JRK: variants seen among roughly 807,000 people sequenced by gnomAD.
The protein encoded by JRK is Jrk helix-turn-helix protein, also known as jerky protein homolog.
For synonymous variants in JRK, 303 were observed against 218.1 expected (o/e 1.39, Z -3.43); for missense variants, 720 against 509.2 (o/e 1.41, Z -3.98).
the JRK span, among the ~76,000 whole-genome samples, chr8:142,646,159 T>C: frequency 1.3e-5 from 2 of 152,242 alleles, no homozygotes; most frequent in East Asian, 1.9e-4. Context: ...AAATTATTTA[T>C]GAAAACTACA....
At position 142,660,300 on chromosome 8, in the gene JRK, C is replaced by CA. The variant is rs1846875352; in HGVS notation, c.*4051dup. On this transcript the variant is annotated 3_prime_UTR_variant, in exon 2 of 2. Transcript: ENST00000612905. ...GCCTCCCAGGCCACCACCCACCCCTCACGGCTGCCACACCCACCAGCCCAT... is the reference window on the plus strand; with the variant it reads ...GCCTCCCAGGCCACCACCCACCCCTCAACGGCTGCCACACCCACCAGCCCAT... The CA allele has an allele frequency of 1.0e-6, 1 of 985,760 alleles. No individual in the cohort carries two copies. Among genetic ancestry groups the CA allele is most frequent in the Admixed American group, 6.1e-5 (1 of 16,294 alleles). The allele number at this position is 985,760 out of a possible 1,614,324, so 61.1% of individuals were successfully genotyped here.
chr8:142,658,167 G>A lies in JRK; in HGVS notation c.*6185C>T, dbSNP rs941642024. 2.0e-4 allele frequency: 31 copies of A among 152,460 alleles called. No homozygotes were observed. Among genetic ancestry groups the A allele is most frequent in the African/African-American group, 7.5e-4 (31 of 41,598 alleles). The allele number at this position is 152,460 out of a possible 1,614,324, so 9.4% of individuals were successfully genotyped here. ...CACTGAGGAGTTAGGGGCAATGGCA[G>A]AACTGCCTGGACCTGAAGCAGGCTG... On this transcript the variant is annotated 3_prime_UTR_variant, in exon 2 of 2. Coordinates refer to ENST00000612905, the MANE Select transcript of JRK (RefSeq NM_003724.4).
chr8:142,668,233 G>A (rs1554636572), intron 1 of JRK, among the ~76,000 whole-genome samples: 2 of 152,230 alleles, frequency 1.3e-5, no homozygotes, highest in Non-Finnish European at 2.9e-5. Flanking sequence ...GCGCAGAAAC[G>A]CAGCCCTTTG....
At chr8:142,647,322 G>A in the JRK span, among the ~76,000 whole-genome samples, 2 of 152,044 alleles carry the variant, frequency 1.3e-5, no homozygotes, top group South Asian at 2.1e-4. Flanking sequence ...GGGAGGCAGC[G>A]GAAGTTGTAC....
At position 142,665,834 on chromosome 8, in the gene JRK, C is replaced by T. The variant is rs587597150; in HGVS notation, c.225G>A (p.Leu75=). 2.6e-6 allele frequency: 2 copies of T among 779,310 alleles called. No individual in the cohort carries two copies. The highest frequency in any genetic ancestry group is 1.7e-5 in the Admixed American group (1 of 58,880). 48.3% of individuals were successfully genotyped at this position (779,310 alleles called of 1,614,324 possible). A position where few individuals can be genotyped will look rare whatever the true frequency, so the allele number is the denominator to read the frequency against. Residue 75 remains leucine, a synonymous_variant, in exon 2 of 2, where the codon CTG becomes CTA. Coordinates refer to ENST00000612905, the MANE Select transcript of JRK (RefSeq NM_003724.4). ...GCGTGTGCAGCGTGCGCCGCTGCTC[C>T]AGCGCCTTGTTGGAGTCGGAGCTGG... is the stretch of plus-strand genomic sequence containing the variant. The part of the protein sequence containing the change: ...FFASSDSNKA[L]EQRRTLHTPK...
At chr8:142,651,608 T>C in the JRK span, among the ~76,000 whole-genome samples, 3 of 151,712 alleles carry the variant, frequency 2.0e-5, no homozygotes, top group Non-Finnish European at 4.4e-5. Flanking sequence ...AATTTGAAAC[T>C]TTCCTTCAGA....
At chr8:142,668,669 G>GC (rs1485287487) in intron 1 of JRK, among the ~76,000 whole-genome samples, 1 of 151,646 alleles carries the variant, frequency 6.6e-6, no homozygotes, top group African/African-American at 2.4e-5. Context: ...ACGTCTCCAT[G>GC]CCTGACATGC....
rs1199672222 is a variant in JRK, at chr8:142,661,878, G to A, written c.*2474C>T. The A allele has an allele frequency of 1.0e-6, 1 of 985,562 alleles. No homozygotes were observed. Among genetic ancestry groups the A allele is most frequent in the Non-Finnish European group, 1.2e-6 (1 of 830,014 alleles). 61.1% of individuals were successfully genotyped at this position (985,562 alleles called of 1,614,324 possible). A position where few individuals can be genotyped will look rare whatever the true frequency, so the allele number is the denominator to read the frequency against. On this transcript the variant is annotated 3_prime_UTR_variant, in exon 2 of 2. Coordinates refer to ENST00000612905, the MANE Select transcript of JRK (RefSeq NM_003724.4). ...AACAAAGTGCTCGGAGGACACGGCA[G>A]TCTCCATAAAGCGTTCTGGGGGACA...
Position 142,663,769 on chromosome 8 carries a change from T to G in JRK, c.*583A>C, listed in dbSNP as rs1183054240. 6.1e-6 allele frequency: 6 copies of G among 985,478 alleles called. No homozygotes were observed. Among genetic ancestry groups the G allele is most frequent in the Non-Finnish European group, 7.2e-6 (6 of 830,078 alleles). 61.0% of individuals were successfully genotyped at this position (985,478 alleles called of 1,614,324 possible). A position where few individuals can be genotyped will look rare whatever the true frequency, so the allele number is the denominator to read the frequency against. Reference sequence around the variant, plus strand: ...TCATTCTGCTGAATGAGGCCACAACTGAAGTGAGATGTGCGGCCTGTTCAG... The same window carrying G: ...TCATTCTGCTGAATGAGGCCACAACGGAAGTGAGATGTGCGGCCTGTTCAG... On this transcript the variant is annotated 3_prime_UTR_variant, in exon 2 of 2. Coordinates refer to ENST00000612905, the MANE Select transcript of JRK (RefSeq NM_003724.4).
At position 142,665,069 on chromosome 8, in the gene JRK, G is replaced by A; in HGVS notation, c.990C>T (p.Pro330=). The change falls in exon 2 of 2, where the codon CCC becomes CCT. Residue 330 remains proline (P), a synonymous_variant. Coordinates refer to ENST00000612905, the MANE Select transcript of JRK (RefSeq NM_003724.4). The part of the protein sequence containing the change: ...LPASVASLVQ[P]MEQGIRRDFM... ...AATCTCTCCGAATGCCCTGCTCCATGGGCTGCACCAATGAGGCCACGCTGG... is the reference window on the plus strand; with the variant it reads ...AATCTCTCCGAATGCCCTGCTCCATAGGCTGCACCAATGAGGCCACGCTGG... The A allele has an allele frequency of 1.4e-6, 1 of 717,742 alleles. No homozygotes were observed. Among genetic ancestry groups the A allele is most frequent in the Non-Finnish European group, 2.6e-6 (1 of 385,048 alleles). 44.5% of individuals were successfully genotyped at this position (717,742 alleles called of 1,614,324 possible).
In JRK at chr8:142,659,048, G is replaced by T; in HGVS notation, c.*5304C>A. On this transcript the variant is annotated 3_prime_UTR_variant, in exon 2 of 2. Coordinates refer to ENST00000612905, the MANE Select transcript of JRK (RefSeq NM_003724.4). ...CCAGGGAGAATGGTGGAGGAAGAAT[G>T]GATTCCTAGTGTATTTTTTCTCTTC... 6.9e-7 allele frequency: 1 copy of T among 1,456,358 alleles called. No homozygotes were observed. The highest frequency in any genetic ancestry group is 9.1e-7 in the Non-Finnish European group (1 of 1,099,270). 90.2% of individuals were successfully genotyped at this position (1,456,358 alleles called of 1,614,324 possible). A position where few individuals can be genotyped will look rare whatever the true frequency, so the allele number is the denominator to read the frequency against.
rs1846925771 is a variant in JRK, at chr8:142,661,860, T to G, written c.*2492A>C. The G allele has an allele frequency of 3.0e-6, 3 of 985,424 alleles. No homozygotes were observed. The highest frequency in any genetic ancestry group is 3.6e-6 in the Non-Finnish European group (3 of 829,970). The allele number at this position is 985,424 out of a possible 1,614,324, so 61.0% of individuals were successfully genotyped here. A position where few individuals can be genotyped will look rare whatever the true frequency, so the allele number is the denominator to read the frequency against. ...GACGGGTCAGGAAGTGAAAACAAAG[T>G]GCTCGGAGGACACGGCAGTCTCCAT... is the stretch of plus-strand genomic sequence containing the variant. On this transcript the variant is annotated 3_prime_UTR_variant, in exon 2 of 2. Coordinates refer to ENST00000612905, the MANE Select transcript of JRK (RefSeq NM_003724.4).
At position 142,666,417 on chromosome 8, in the gene JRK, C is replaced by T. The variant is rs1847129886; in HGVS notation, c.-359G>A. The T allele has an allele frequency of 4.9e-6, 2 of 405,966 alleles. No homozygotes were observed. Among genetic ancestry groups the T allele is most frequent in the Admixed American group, 3.7e-5 (1 of 27,318 alleles). 25.1% of individuals were successfully genotyped at this position (405,966 alleles called of 1,614,324 possible). On this transcript the variant is annotated 5_prime_UTR_variant, in exon 2 of 2. Transcript: ENST00000612905. ...CTCTGTGGATACTATGGCAGCGGCTCCCCTCAAACTGACCAGGTTTGGGGT... is the reference window on the plus strand; with the variant it reads ...CTCTGTGGATACTATGGCAGCGGCTTCCCTCAAACTGACCAGGTTTGGGGT...
Position 142,659,756 on chromosome 8 carries a change from A to T in JRK, c.*4596T>A. The T allele has an allele frequency of 1.0e-6, 1 of 985,492 alleles. No individual in the cohort carries two copies. The highest frequency in any genetic ancestry group is 1.2e-6 in the Non-Finnish European group (1 of 829,958). The allele number at this position is 985,492 out of a possible 1,614,324, so 61.0% of individuals were successfully genotyped here. On this transcript the variant is annotated 3_prime_UTR_variant, in exon 2 of 2. Transcript: ENST00000612905. ...CTGCTCAAGGTCATGCAGCTGGTGA[A>T]CAGCAGGGAGTGAGCAGTGGAGAAC...
chr8:142,658,951 C>T lies in JRK; in HGVS notation c.*5401G>A, dbSNP rs782414122. On this transcript the variant is annotated 3_prime_UTR_variant, in exon 2 of 2. Transcript: ENST00000612905. ...CCTCAAGGCCCACAGTCTCCTGAAA[C>T]AACAGAACTTTGCTGCTTCATGGAG... The T allele has an allele frequency of 8.7e-6, 14 of 1,612,270 alleles. No individual in the cohort carries two copies. In the Admixed American group the frequency reaches 2.2e-4, roughly 25 times the overall value.
the JRK span, among the ~76,000 whole-genome samples, chr8:142,646,000 CTT>C: frequency 1.3e-5 from 2 of 151,640 alleles, no homozygotes; most frequent in East Asian, 1.9e-4. Flanking sequence ...AAAGCACACA[CTT>C]TTTTTTAGAA....
Position 142,663,716 on chromosome 8 carries a change from C to G in JRK, c.*636G>C. ...GGGGCCAGAGCCCATGGGACAGGAT[C>G]TGCGGGTAACAGAGGATGGTTCCAG... On this transcript the variant is annotated 3_prime_UTR_variant, in exon 2 of 2. Transcript: ENST00000612905. 5.1e-6 allele frequency: 5 copies of G among 985,488 alleles called. No individual in the cohort carries two copies. Among genetic ancestry groups the G allele is most frequent in the Non-Finnish European group, 6.0e-6 (5 of 829,960 alleles). 61.0% of individuals were successfully genotyped at this position (985,488 alleles called of 1,614,324 possible). A position where few individuals can be genotyped will look rare whatever the true frequency, so the allele number is the denominator to read the frequency against.
intron 1 of JRK, among the ~76,000 whole-genome samples, chr8:142,667,566 G>A (rs1456644390): frequency 6.6e-6 from 1 of 152,204 alleles, no homozygotes; most frequent in East Asian, 1.9e-4. Context: ...TAATTTGGGA[G>A]GCTCTATGAA....
chr8:142,664,655 A>T lies in JRK; in HGVS notation c.1404T>A (p.Thr468=). ...PAEVVWSSEK[T]PKADQDGRGD... is the part of the protein sequence containing the mutation. ...CTCTGCCGTCCTGGTCAGCTTTCGG[A>T]GTCTTTTCTGAACTCCACACAACCT... is the stretch of plus-strand genomic sequence containing the variant. Residue 468 remains threonine (T), a synonymous_variant, in exon 2 of 2, where the codon ACT becomes ACA. Coordinates refer to ENST00000612905, the MANE Select transcript of JRK (RefSeq NM_003724.4). 1 of 1,611,372 alleles carries T rather than the reference A, an allele frequency of 6.2e-7. No homozygotes were observed. Among genetic ancestry groups the T allele is most frequent in the Non-Finnish European group, 8.5e-7 (1 of 1,179,216 alleles).
Sources: gnomAD v4.1 joint callset for allele counts (sites outside exome capture counted in the v4.1 genomes callset) on GRCh38, gnomAD v4.1.1 for gene constraint, MANE v1.5 for transcripts, NCBI Gene and HGNC (gene_info 2026-07-23, HGNC 2026-07-21) for gene names.